Variants in INF2 observed in about 807,000 individuals in gnomAD.
INF2 encodes the protein inverted formin-2.
A neutral mutation model predicts 123.5 loss-of-function variants in INF2; 43 were observed. That is an observed-to-expected ratio of 0.35 (90% CI 0.27 to 0.45). The LOEUF (loss-of-function observed/expected upper bound fraction) is 0.45, where lower values mean the gene tolerates loss of function less well. INF2 is among the 20% of genes least tolerant of loss of function. The probability of loss-of-function intolerance (pLI) is 1.00; values close to 1 mark genes in which losing one functional copy is unlikely to be tolerated. For missense variants in INF2, 1,453 were observed against 1,682.7 expected, an observed-to-expected ratio of 0.86 and a Z score of 2.39; for synonymous variants, 851 against 745.0, an observed-to-expected ratio of 1.14 and a Z score of -2.32.
chr14:104,708,300 C>A, intron 8 of INF2, 136 bp from the exon 9 acceptor site: 1 of 1,150,024 alleles, frequency 8.7e-7, no homozygotes, highest in Non-Finnish European at 1.2e-6. Flanking sequence ...AGGGTGCCTG[C>A]TGTACGCTGG....
chr14:104,683,324 G>A (rs1419127103), intron 1 of INF2, among the ~76,000 whole-genome samples: 2 of 152,296 alleles, frequency 1.3e-5, no homozygotes, highest in South Asian at 2.1e-4. Context: ...CTCAGCCTGG[G>A]GCTGCCACTC....
chr14:104,702,235 C>T (rs1236919933), intron 2 of INF2, among the ~76,000 whole-genome samples: 1 of 152,154 alleles, frequency 6.6e-6, no homozygotes, highest in Non-Finnish European at 1.5e-5. Flanking sequence ...CCTCCACCTC[C>T]CAGCGCCTTC....
chr14:104,713,688 A>G, intron 20 of INF2, 82 bp downstream of exon 20: 1 of 1,473,560 alleles, frequency 6.8e-7, no homozygotes, highest in Non-Finnish European at 9.2e-7. Flanking sequence ...TCCTGACTTC[A>G]CTGGAAAGCC....
At chr14:104,708,350 C>T in intron 8 of INF2, 86 bp from the exon 9 acceptor site, 1 of 1,538,458 alleles carries the variant, frequency 6.5e-7, no homozygotes, top group South Asian at 1.2e-5. Flanking sequence ...ATCCTTTAGA[C>T]CCTCTGGGAG....
Position 104,714,699 on chromosome 14 carries a change from G to A in INF2, c.3537G>A (p.Thr1179=), listed in dbSNP as rs758215424. The part of the protein sequence containing the change: ...GGDEDEDEED[T]APESALDTSL... ...ATGAGGACGAGGACGAGGAGGACAC[G>A]GCCCCAGAGTCCGCACTGGACACAT... is the stretch of plus-strand genomic sequence containing the variant. The change falls in exon 21 of 23, where the codon ACG becomes ACA. Residue 1179 remains threonine, a synonymous_variant. Coordinates refer to ENST00000392634, the MANE Select transcript of INF2 (RefSeq NM_022489.4). 52 of 1,610,614 alleles carry A rather than the reference G, an allele frequency of 3.2e-5. No homozygotes were observed. Among genetic ancestry groups the A allele is most frequent in the African/African-American group, 4.0e-5 (3 of 74,864 alleles).
intron 16 of INF2, 117 bp from the exon 17 acceptor site, chr14:104,712,316 A>T: frequency 7.3e-7 from 1 of 1,363,980 alleles, no homozygotes; most frequent in East Asian, 2.5e-5. Context: ...GCAGCCTCAG[A>T]GTACAGCCTG....
In INF2 at chr14:104,699,616, G is replaced by C. The variant is rs1040921255; in HGVS notation, c.-9-1741G>C. The C allele has an allele frequency of 5.8e-5, 57 of 981,374 alleles. No homozygotes were observed. The highest frequency in any genetic ancestry group is 5.0e-4 in the Admixed American group (8 of 16,130). 60.8% of individuals were successfully genotyped at this position (981,374 alleles called of 1,614,324 possible). ...GCATCTGGGTGAGTGGACGGCCACT[G>C]GGTGACCAAGAGGGCCGGGCCTGGG... On this transcript the variant is annotated intron_variant, in intron 1 of 22. Transcript: ENST00000392634. This position sits in a 1 kb window ranked among gnomAD's most constrained non-coding sequence, Gnocchi z 4.7.
intron 22 of INF2, among the ~76,000 whole-genome samples, chr14:104,717,294 G>GA (rs1186842788): frequency 0.016 from 1,082 of 66,510 alleles, 49 homozygotes; most frequent in Non-Finnish European, 0.018. Flanking sequence ...CGTCCTCCCA[G>GA]TCCCCCCCCC....
chr14:104,698,515 G>A (rs1358022897), intron 1 of INF2, among the ~76,000 whole-genome samples: 2 of 152,220 alleles, frequency 1.3e-5, no homozygotes, highest in African/African-American at 2.4e-5. Context: ...GGGAAGGCTC[G>A]GGGATGCCCT....
At chr14:104,717,752 G>A (rs1432247621) in intron 22 of INF2, 2 of 152,206 alleles carry the variant, frequency 1.3e-5, no homozygotes, top group Admixed American at 6.5e-5. Flanking sequence ...CACGGCTGCG[G>A]GGGTGGTTTC....
chr14:104,703,492 C>T (rs762664598), intron 4 of INF2, 38 bp downstream of exon 4: 112 of 1,605,274 alleles, frequency 7.0e-5, no homozygotes, highest in Admixed American at 1.0e-4. Context: ...CGCTCCTGCC[C>T]GCCTCTTGGC....
At chr14:104,694,389 C>A (rs1889087038) in intron 1 of INF2, among the ~76,000 whole-genome samples, 1 of 152,226 alleles carries the variant, frequency 6.6e-6, no homozygotes, top group Non-Finnish European at 1.5e-5. Flanking sequence ...CTCCCTGGCA[C>A]TGGCTGCCTG....
At chr14:104,705,588 G>A (rs1253939253) in intron 5 of INF2, among the ~76,000 whole-genome samples, 1 of 152,158 alleles carries the variant, frequency 6.6e-6, no homozygotes, top group African/African-American at 2.4e-5. Flanking sequence ...CTCCTGCTCA[G>A]GCCAGAGCCC....
At chr14:104,712,004 C>T (rs1595176775) in intron 16 of INF2, among the ~76,000 whole-genome samples, 1 of 152,170 alleles carries the variant, frequency 6.6e-6, no homozygotes, top group South Asian at 2.1e-4. Context: ...CAGCCGTGAG[C>T]AGGCTCGGGC....
intron 16 of INF2, among the ~76,000 whole-genome samples, chr14:104,711,903 A>C (rs1890066873): frequency 6.6e-6 from 1 of 152,218 alleles, no homozygotes; most frequent in East Asian, 1.9e-4. Flanking sequence ...TTAAGCGAGG[A>C]AACAGGCCTA....
At chr14:104,704,544 CG>C (rs1566779490) in intron 5 of INF2, 3 of 160,204 alleles carry the variant, frequency 1.9e-5, no homozygotes, top group African/African-American at 7.2e-5. Context: ...GATTCTCCAG[CG>C]CACGCACGCG....
At position 104,707,784 on chromosome 14, in the gene INF2, T is replaced by G. The variant is rs1160363735; in HGVS notation, c.1517T>G (p.Leu506Arg). 85 of 438,204 alleles carry G rather than the reference T, an allele frequency of 1.9e-4. No homozygotes were observed. Among genetic ancestry groups the G allele is most frequent in the Non-Finnish European group, 2.9e-4 (77 of 268,802 alleles). 27.1% of individuals were successfully genotyped at this position (438,204 alleles called of 1,614,324 possible). The change falls in exon 8 of 23, where the codon CTG (leucine) becomes CGG (arginine). Residue 506 changes from leucine (L) to arginine (R), a missense_variant. Around this residue, in one of 8 missense-constraint regions of INF2, gnomAD observed 374 missense variants for 303.7 expected, o/e 1.23. Transcript: ENST00000392634. ...GLGCPPPPPP[L>R]LPGMGWGPPP... ...GGATGCCCGCCCCCACCCCCACCCC[T>G]GCTGCCTGGTATGGGCTGGGGCCCT...
chr14:104,701,686 C>T lies in INF2; in HGVS notation c.321C>T (p.Ala107=), dbSNP rs777780913. The change falls in exon 2 of 23, where the codon GCC becomes GCT. Residue 107 remains alanine, a synonymous_variant. Coordinates refer to ENST00000392634, the MANE Select transcript of INF2 (RefSeq NM_022489.4). ...LQLTCVSCVR[A]VMNSRQGIEY... ...TCACCTGCGTCAGCTGCGTGCGCGC[C>T]GTCATGAACTCGCGGCAGGGCATCG... The T allele has an allele frequency of 4.5e-6, 7 of 1,572,820 alleles. No individual in the cohort carries two copies. The highest frequency in any genetic ancestry group is 4.0e-5 in the African/African-American group (3 of 74,178).
At chr14:104,702,861 G>C (rs1382736029) in intron 2 of INF2, among the ~76,000 whole-genome samples, 3 of 152,244 alleles carry the variant, frequency 2.0e-5, no homozygotes, top group African/African-American at 7.2e-5. Context: ...CCAGTGACAG[G>C]ATGGGGCAGC....
Sources: gnomAD v4.1 joint callset for allele counts (sites outside exome capture counted in the v4.1 genomes callset) on GRCh38, gnomAD v4.1.1 for gene constraint, gnomAD v4.1.1 regional missense constraint, Gnocchi (gnomAD v3.1) non-coding constraint, MANE v1.5 for transcripts, NCBI Gene and HGNC (gene_info 2026-07-23, HGNC 2026-07-21) for gene names.